Variants in ABL1 observed in about 807,000 individuals in gnomAD.
ABL1 encodes the protein tyrosine-protein kinase ABL1.
ABL1 carries 11 observed loss-of-function variants against 94.7 expected under a neutral mutation model. The ratio of observed to expected loss-of-function variants is 0.12; its 90% confidence interval spans 0.07 to 0.19. The LOEUF is 0.19. ABL1 is among the 10% of genes least tolerant of loss of function. ABL1 has a pLI of 1.00. For synonymous variants in ABL1, 656 were observed against 622.4 expected (o/e 1.05, Z -0.80); for missense variants, 1,082 against 1,489.4 (o/e 0.73, Z 4.50).
chr9:130,784,452 A>T (rs895935137), intron 1 of ABL1, among the ~76,000 whole-genome samples: 2 of 152,236 alleles, frequency 1.3e-5, no homozygotes, highest in African/African-American at 2.4e-5. Context: ...TATTTTGGCC[A>T]GTTAATAAGG....
At chr9:130,728,250 T>TTTTTTTTTTTTTTG (rs1831615209) in intron 1 of ABL1, among the ~76,000 whole-genome samples, 1 of 142,986 alleles carries the variant, frequency 7.0e-6, no homozygotes, top group African/African-American at 2.5e-5. Context: ...TTTTTTTTTG[T>TTTTTTTTTTTTTTG]GGAGACGGGG....
At chr9:130,796,154 C>T (rs971592612) in intron 1 of ABL1, among the ~76,000 whole-genome samples, 2 of 151,900 alleles carry the variant, frequency 1.3e-5, no homozygotes, top group African/African-American at 2.4e-5. Flanking sequence ...GCCTGGGTCA[C>T]GGAGTGAGAC....
At chr9:130,851,755 C>T (rs1383776182) in intron 1 of ABL1, among the ~76,000 whole-genome samples, 2 of 147,706 alleles carry the variant, frequency 1.4e-5, no homozygotes, top group Non-Finnish European at 3.0e-5. Context: ...TTAGAATTTT[C>T]CTCTCTTTTT....
rs35665086 is a variant in ABL1 at position 130,807,668 on chromosome 9, T to TTATA, written c.137-46373_137-46370dup. Among the ~76,000 whole-genome samples the TTATA allele has an allele frequency of 8.5e-3, 961 of 113,224 alleles. 6 individuals carry two copies. The highest frequency in any genetic ancestry group is 0.02 in the African/African-American group (621 of 31,178). The allele number at this position is 113,224 out of a possible 152,430, so 74.3% of individuals were successfully genotyped here. On this transcript the variant is annotated intron_variant, in intron 1 of 10. Coordinates refer to the ABL1 transcript ENST00000372348. ...ATTATATTTTATACATTCCTTAATT[T>TTATA]TATATATATATATATATATATATAT...
At chr9:130,764,233 C>T (rs1274928276) in intron 1 of ABL1, among the ~76,000 whole-genome samples, 1 of 152,212 alleles carries the variant, frequency 6.6e-6, no homozygotes, top group Non-Finnish European at 1.5e-5. Flanking sequence ...TATAGCTGAG[C>T]TTACCCCAGA....
At chr9:130,806,982 C>T (rs1000804128) in intron 1 of ABL1, among the ~76,000 whole-genome samples, 1 of 152,012 alleles carries the variant, frequency 6.6e-6, no homozygotes, top group Non-Finnish European at 1.5e-5. Flanking sequence ...AACCCCATCT[C>T]TACTAAAAAT....
At chr9:130,728,736 G>A (rs1329818205) in intron 1 of ABL1, among the ~76,000 whole-genome samples, 1 of 151,026 alleles carries the variant, frequency 6.6e-6, no homozygotes, top group Non-Finnish European at 1.5e-5. Flanking sequence ...GATTCACCAT[G>A]TTTTCATTCA....
At chr9:130,767,456 C>T (rs1832198370) in intron 1 of ABL1, among the ~76,000 whole-genome samples, 1 of 152,186 alleles carries the variant, frequency 6.6e-6, no homozygotes, top group South Asian at 2.1e-4. Context: ...CCTCAGCCTC[C>T]CGAGTAGCTG....
intron 1 of ABL1, among the ~76,000 whole-genome samples, chr9:130,838,700 T>C (rs984592356): frequency 6.6e-6 from 1 of 152,250 alleles, no homozygotes; most frequent in Admixed American, 6.5e-5. Flanking sequence ...CTGAATTTTC[T>C]GATTATTTCT....
chr9:130,855,929 T>C (rs776945816), intron 3 of ABL1, among the ~76,000 whole-genome samples: 12 of 152,024 alleles, frequency 7.9e-5, no homozygotes, highest in Non-Finnish European at 1.5e-4. Context: ...TGTTTGTTTG[T>C]TTTTGAGATG....
At chr9:130,764,789 C>T (rs1286351754) in intron 1 of ABL1, among the ~76,000 whole-genome samples, 1 of 152,074 alleles carries the variant, frequency 6.6e-6, no homozygotes, top group Non-Finnish European at 1.5e-5. Flanking sequence ...AACCCTGTCT[C>T]TACTAAAAAT....
At chr9:130,777,361 G>C (rs1470124837) in intron 1 of ABL1, among the ~76,000 whole-genome samples, 1 of 152,194 alleles carries the variant, frequency 6.6e-6, no homozygotes, top group Non-Finnish European at 1.5e-5. Flanking sequence ...AGGAATCAAG[G>C]AACCTCTCAG....
chr9:130,794,011 T>C (rs1829942019), intron 1 of ABL1, among the ~76,000 whole-genome samples: 1 of 152,152 alleles, frequency 6.6e-6, no homozygotes, highest in Non-Finnish European at 1.5e-5. Context: ...GAAAACAAGC[T>C]CAGGGCTCCC....
chr9:130,715,811 C>T (rs942900717), intron 1 of ABL1, among the ~76,000 whole-genome samples: 1 of 152,042 alleles, frequency 6.6e-6, no homozygotes, highest in African/African-American at 2.4e-5. Flanking sequence ...CCTGTGTGTC[C>T]CTGATATCTC....
At chr9:130,729,059 C>T (rs1831628649) in intron 1 of ABL1, among the ~76,000 whole-genome samples, 1 of 152,164 alleles carries the variant, frequency 6.6e-6, no homozygotes, top group African/African-American at 2.4e-5. Context: ...TAGTTTGACC[C>T]TGCCAGGTTT....
chr9:130,739,294 T>C (rs1345799506), intron 1 of ABL1, among the ~76,000 whole-genome samples: 2 of 152,196 alleles, frequency 1.3e-5, no homozygotes, highest in East Asian at 1.9e-4. Context: ...ATGTGATGTT[T>C]AGTTCGTAGC....
chr9:130,806,338 G>A (rs1275811508), intron 1 of ABL1, among the ~76,000 whole-genome samples: 1 of 152,186 alleles, frequency 6.6e-6, no homozygotes, highest in Non-Finnish European at 1.5e-5. Flanking sequence ...GACTAAAGCT[G>A]TTGCCTTTAT....
At chr9:130,786,792 C>T (rs1301974887) in intron 1 of ABL1, among the ~76,000 whole-genome samples, 2 of 152,074 alleles carry the variant, frequency 1.3e-5, no homozygotes, top group Non-Finnish European at 2.9e-5. Flanking sequence ...AGATATGCCA[C>T]ACTTTGCAAT....
intron 1 of ABL1, among the ~76,000 whole-genome samples, chr9:130,733,688 C>T (rs1429492076): frequency 6.7e-6 from 1 of 148,642 alleles, no homozygotes; most frequent in African/African-American, 2.5e-5. Flanking sequence ...ACACCATTCT[C>T]CTGCCTCAGC....
Sources: gnomAD v4.1 joint callset for allele counts (sites outside exome capture counted in the v4.1 genomes callset) on GRCh38, gnomAD v4.1.1 for gene constraint, MANE v1.5 for transcripts, NCBI Gene and HGNC (gene_info 2026-07-23, HGNC 2026-07-21) for gene names.